ARPC1B: variants seen among roughly 807,000 people sequenced by gnomAD.
ARPC1B encodes the protein actin related protein 2/3 complex subunit 1B.
In ARPC1B, 29 loss-of-function variants were observed where a neutral mutation model predicts 46.0. That is an observed-to-expected ratio of 0.63 (90% confidence interval 0.47 to 0.86). The LOEUF (loss-of-function observed/expected upper bound fraction) is 0.86, where lower values mean the gene tolerates loss of function less well. Ranked by LOEUF, ARPC1B falls within the 40% of genes least tolerant of loss-of-function variation. The pLI is 0.00. For synonymous variants in ARPC1B, 201 were observed against 213.9 expected, an observed-to-expected ratio of 0.94 and a Z score of 0.53; for missense variants, 469 against 529.4, an observed-to-expected ratio of 0.89 and a Z score of 1.12.
rs1420120669 is a variant in ARPC1B at position 99,392,837 on chromosome 7, C to T, written c.950C>T (p.Ala317Val). Residue 317 changes from alanine (A) to valine (V), a missense_variant, in exon 8 of 10, where the codon GCG becomes GTG. Ala to Val is a moderately conservative substitution (Grantham distance 64). Coordinates refer to ENST00000646101, the MANE Select transcript of ARPC1B (RefSeq NM_005720.4). ...GCGAGCTCCGAGGGTGGCACGGCTG[C>T]GGGCGCGGGCCTAGACTCGCTGCAC... is the stretch of plus-strand genomic sequence containing the variant. ...KKASSEGGTA[A>V]GAGLDSLHKN... The T allele has an allele frequency of 4.5e-6, 7 of 1,549,840 alleles. No homozygotes were observed. The highest frequency in any genetic ancestry group is 6.1e-6 in the Non-Finnish European group (7 of 1,146,656).
chr7:99,384,784 C>T (rs906356374), intron 1 of ARPC1B, among the ~76,000 whole-genome samples: 1 of 151,956 alleles, frequency 6.6e-6, no homozygotes, highest in Non-Finnish European at 1.5e-5. Flanking sequence ...GGGGGAAGAC[C>T]AGGGCTCTGG....
intron 1 of ARPC1B, among the ~76,000 whole-genome samples, chr7:99,378,781 T>C (rs1340320746): frequency 7.5e-6 from 1 of 133,784 alleles, no homozygotes. Context: ...TTTCTTTTTT[T>C]TTTTTTTTTT....
At chr7:99,394,239 T>G in intron 9 of ARPC1B, 120 bp downstream of exon 9, 1 of 1,244,148 alleles carries the variant, frequency 8.0e-7, no homozygotes, top group Non-Finnish European at 1.1e-6. Context: ...TGCATGGGGA[T>G]GAGGGGTGGG....
Position 99,392,867 on chromosome 7 carries a change from A to T in ARPC1B, c.980A>T (p.Asn327Ile). Reference protein sequence around the residue: ...AGAGLDSLHKNSVSQISVLSG... With the variant: ...AGAGLDSLHKISVSQISVLSG... ...GCGGGCCTAGACTCGCTGCACAAGA[A>T]CAGCGTCAGGTGAGAGCGGGAGCCG... is the stretch of plus-strand genomic sequence containing the variant. The change falls in exon 8 of 10, where the codon AAC becomes ATC. Residue 327 changes from asparagine (N) to isoleucine (I), a missense_variant. Asn to Ile is a moderately radical substitution (Grantham distance 149, BLOSUM62 -3). Coordinates refer to ENST00000646101, the MANE Select transcript of ARPC1B (RefSeq NM_005720.4). 1.3e-6 allele frequency: 2 copies of T among 1,545,010 alleles called. No individual in the cohort carries two copies. Among genetic ancestry groups the T allele is most frequent in the Non-Finnish European group, 1.7e-6 (2 of 1,143,268 alleles).
At chr7:99,391,124 A>T (rs1426549123) in intron 6 of ARPC1B, 25 bp downstream of exon 6, 1 of 1,612,650 alleles carries the variant, frequency 6.2e-7, no homozygotes, top group Non-Finnish European at 8.5e-7. Flanking sequence ...TCCCCAGGGG[A>T]GGAGGTGAGT....
chr7:99,392,713 G>T lies in ARPC1B; in HGVS notation c.826G>T (p.Ala276Ser). The T allele has an allele frequency of 6.5e-7, 1 of 1,547,038 alleles. No individual in the cohort carries two copies. Among genetic ancestry groups the T allele is most frequent in the Non-Finnish European group, 8.7e-7 (1 of 1,144,694 alleles). ...GGTGCTGTTCACCTATGACGCCGCC[G>T]CGGGGATGCTGAGCTTCGGCGGGCG... ...FPVLFTYDAAAGMLSFGGRLD... is the reference protein window; with the variant it reads ...FPVLFTYDAASGMLSFGGRLD... Residue 276 changes from alanine (A) to serine (S), a missense_variant, in exon 8 of 10, where the codon GCG (alanine) becomes TCG (serine). Transcript: ENST00000646101.
At chr7:99,393,897 C>A in intron 8 of ARPC1B, 132 bp from the exon 9 acceptor site, 1 of 839,624 alleles carries the variant, frequency 1.2e-6, no homozygotes, top group Non-Finnish European at 2.0e-6. Context: ...GACTTCTAAG[C>A]CCACTACACC....
chr7:99,382,627 C>A (rs1412737185), intron 1 of ARPC1B, among the ~76,000 whole-genome samples: 7 of 151,796 alleles, frequency 4.6e-5, no homozygotes, highest in African/African-American at 1.7e-4. Context: ...CACCACCACA[C>A]CTGCAAATTT....
In ARPC1B at chr7:99,394,709, A is replaced by T; in HGVS notation, c.*220A>T. The T allele has an allele frequency of 7.5e-7, 1 of 1,342,236 alleles. No homozygotes were observed. The highest frequency in any genetic ancestry group is 2.8e-5 in the East Asian group (1 of 36,186). 83.1% of individuals were successfully genotyped at this position (1,342,236 alleles called of 1,614,324 possible). On this transcript the variant is annotated 3_prime_UTR_variant, in exon 10 of 10. Coordinates refer to ENST00000646101, the MANE Select transcript of ARPC1B (RefSeq NM_005720.4). The stretch of plus-strand genomic sequence containing the variant: ...TGCTTTCATTTATTGAAAAAAAAAA[A>T]AAATGCCCCCAAAGCACTATGCTGG...
intron 7 of ARPC1B, 51 bp from the exon 8 acceptor site, chr7:99,392,620 G>A: frequency 2.1e-6 from 3 of 1,416,746 alleles, no homozygotes; most frequent in Non-Finnish European, 1.8e-6. Flanking sequence ...CCTTCCCTCC[G>A]GCCTCGGTTT....
chr7:99,392,814 G>A lies in ARPC1B; in HGVS notation c.927G>A (p.Ala309=), dbSNP rs1243492715. 5 of 1,550,208 alleles carry A rather than the reference G, an allele frequency of 3.2e-6. No homozygotes were observed. The South Asian group carries it at 5.9e-5, about 18-fold the overall frequency. ...GCTTCCAGAACCTGGACAAGAAGGC[G>A]AGCTCCGAGGGTGGCACGGCTGCGG... The part of the protein sequence containing the change: ...RERFQNLDKK[A]SSEGGTAAGA... The change falls in exon 8 of 10, where the codon GCG becomes GCA. Residue 309 remains alanine (A), a synonymous_variant. Coordinates refer to ENST00000646101, the MANE Select transcript of ARPC1B (RefSeq NM_005720.4).
chr7:99,386,199 C>T (rs1459483904), intron 2 of ARPC1B, among the ~76,000 whole-genome samples: 1 of 150,256 alleles, frequency 6.7e-6, no homozygotes, highest in South Asian at 2.1e-4. Context: ...TGCAGTGAGT[C>T]GAGATTGCAC....
At position 99,385,772 on chromosome 7, in the gene ARPC1B, C is replaced by T. The variant is rs750614736; in HGVS notation, c.58C>T (p.Arg20Cys). 80 of 1,609,408 alleles carry T rather than the reference C, an allele frequency of 5.0e-5. 1 individual carries two copies. The highest frequency in any genetic ancestry group is 4.7e-4 in the South Asian group (42 of 90,108). The change falls in exon 2 of 10, where the codon CGC becomes TGC. Residue 20 changes from arginine (R) to cysteine (C), a missense_variant. By Grantham distance (180) the Arg-to-Cys change is radical (BLOSUM62 -3). Transcript: ENST00000646101. ...PISCHAWNKDRTQIAICPNNH... is the reference protein window; with the variant it reads ...PISCHAWNKDCTQIAICPNNH... The stretch of plus-strand genomic sequence containing the variant: ...CAGCTGCCACGCCTGGAACAAGGAC[C>T]GCACCCGTGAGTGCTTGCTGGGGGC...
At chr7:99,387,967 C>T in intron 3 of ARPC1B, 72 bp from the exon 4 acceptor site, 2 of 1,013,742 alleles carry the variant, frequency 2.0e-6, no homozygotes, top group South Asian at 2.8e-5. Context: ...TCAGCCTCTC[C>T]CATGTGGCCA....
At chr7:99,390,759 G>A (rs571875860) in intron 5 of ARPC1B, 134 bp from the exon 6 acceptor site, 25 of 696,586 alleles carry the variant, frequency 3.6e-5, no homozygotes, top group Non-Finnish European at 3.1e-5. Context: ...GCACAGTAGC[G>A]CAATCACAGC....
rs1794603504 is a variant in ARPC1B at position 99,392,641 on chromosome 7, G to A, written c.784-30G>A. The A allele has an allele frequency of 2.1e-6, 3 of 1,450,282 alleles. No individual in the cohort carries two copies. The African/African-American group carries it at 4.4e-5, about 21-fold the overall frequency. 89.8% of individuals were successfully genotyped at this position (1,450,282 alleles called of 1,614,324 possible). A position where few individuals can be genotyped will look rare whatever the true frequency, so the allele number is the denominator to read the frequency against. On this transcript the variant is annotated intron_variant, in intron 7 of 9. Coordinates refer to ENST00000646101, the MANE Select transcript of ARPC1B (RefSeq NM_005720.4). ...CTCCGGCCTCGGTTTCCCCTCCGCG[G>A]CGCTCCAATGGCCCCCGCCCTCCGC...
chr7:99,394,274 T>C, intron 9 of ARPC1B, 155 bp downstream of exon 9: 1 of 1,041,954 alleles, frequency 9.6e-7, no homozygotes, highest in Non-Finnish European at 1.4e-6. Flanking sequence ...ATCTGGGCCT[T>C]GGTGCTCACT....
chr7:99,389,695 G>A, intron 4 of ARPC1B: 1 of 562,702 alleles, frequency 1.8e-6, no homozygotes, highest in Non-Finnish European at 3.2e-6. Flanking sequence ...AAGGATAGAG[G>A]GCACAGAGTT....
chr7:99,388,415 G>A (rs1794464040), intron 4 of ARPC1B, 154 bp downstream of exon 4: 10 of 746,324 alleles, frequency 1.3e-5, no homozygotes, highest in Admixed American at 5.6e-5. Context: ...ATGAGGCAAG[G>A]GCCTCTCTGC....
Sources: allele counts gnomAD v4.1 joint callset (sites outside exome capture counted in the v4.1 genomes callset), GRCh38; gene constraint gnomAD v4.1.1; transcripts MANE v1.5; gene names NCBI Gene and HGNC (gene_info 2026-07-23, HGNC 2026-07-21).